The following HMGA2 variants were observed in gnomAD, a reference collection of about 807,000 sequenced individuals.
HMGA2 encodes high mobility group AT-hook 2.
In HMGA2, 8 loss-of-function variants were observed where a neutral mutation model predicts 19.1. The ratio of observed to expected loss-of-function variants is 0.42; its 90% CI spans 0.25 to 0.76. The LOEUF (loss-of-function observed/expected upper bound fraction) is 0.76. HMGA2 is among the 30% of genes least tolerant of loss of function. The pLI is 0.28. For missense variants in HMGA2, 109 were observed against 136.3 expected, an observed-to-expected ratio of 0.80 and a Z score of 1.00; for synonymous variants, 60 against 48.8, an observed-to-expected ratio of 1.23 and a Z score of -0.96.
intron 3 of HMGA2, among the ~76,000 whole-genome samples, chr12:65,945,279 A>G (rs1162912210): frequency 6.6e-6 from 1 of 152,072 alleles, no homozygotes; most frequent in African/African-American, 2.4e-5. Flanking sequence ...CCTGAAGTTC[A>G]TTTTTTGAAA....
At position 65,838,533 on chromosome 12, in the gene HMGA2, T is replaced by A. The variant is rs758399498; in HGVS notation, c.213T>A (p.Thr71=). Residue 71 remains threonine (T), a synonymous_variant, in exon 3 of 5, where the codon ACT becomes ACA. Coordinates refer to ENST00000403681, the MANE Select transcript of HMGA2 (RefSeq NM_003483.6). The part of the protein sequence containing the change: ...SKAAQKKAEA[T]GEKRPRGRPR... ...TTCATTTGCAGAAAGCAGAAGCCAC[T>A]GGAGAAAAACGGCCAAGAGGCAGAC... is the stretch of plus-strand genomic sequence containing the variant. 43 of 1,612,210 alleles carry A rather than the reference T, an allele frequency of 2.7e-5. No individual in the cohort carries two copies. In the South Asian group the frequency reaches 4.7e-4, roughly 18 times the overall value.
chr12:65,843,195 A>C (rs954408363), intron 3 of HMGA2: 10 of 225,824 alleles, frequency 4.4e-5, no homozygotes, highest in African/African-American at 2.2e-4. Flanking sequence ...AGTTCACTTC[A>C]ATTGGTCACT....
chr12:65,843,323 A>G, intron 3 of HMGA2: 1 of 211,786 alleles, frequency 4.7e-6, no homozygotes, highest in Non-Finnish European at 9.6e-6. Context: ...TTGCTTTTGA[A>G]GGGGGGCAGT....
At chr12:65,941,902 G>A (rs1216783624) in intron 3 of HMGA2, among the ~76,000 whole-genome samples, 1 of 152,070 alleles carries the variant, frequency 6.6e-6, no homozygotes, top group East Asian at 1.9e-4. Context: ...AAGCTTATGG[G>A]CAAGCATACA....
Position 65,825,782 on chromosome 12 carries a change from G to T in HMGA2, c.111+401G>T, listed in dbSNP as rs966917935. On this transcript the variant is annotated intron_variant, in intron 1 of 4. Coordinates refer to ENST00000403681, the MANE Select transcript of HMGA2 (RefSeq NM_003483.6). This position sits in a 1 kb window ranked among gnomAD's most constrained non-coding sequence, Gnocchi z 4.4. The stretch of plus-strand genomic sequence containing the variant: ...CTGCCCGGGAGGAAGGAGGTGCCGG[G>T]GACCCGGGCGCTTCGGCCGATCTGG... Among the ~76,000 whole-genome samples, 1 of 152,170 alleles carries T rather than the reference G, an allele frequency of 6.6e-6. No homozygotes were observed. The highest frequency in any genetic ancestry group is 2.1e-4 in the South Asian group (1 of 4,836).
intron 2 of HMGA2, 21 bp downstream of exon 2, chr12:65,828,108 C>G: frequency 6.5e-7 from 1 of 1,547,876 alleles, no homozygotes; most frequent in Non-Finnish European, 8.9e-7. Flanking sequence ...TCAAGTCAAG[C>G]TCTCCTAACT....
At chr12:65,847,790 C>T (rs1871288572) in intron 3 of HMGA2, among the ~76,000 whole-genome samples, 1 of 152,164 alleles carries the variant, frequency 6.6e-6, no homozygotes, top group African/African-American at 2.4e-5. Context: ...GATGTTAGTA[C>T]AGTCTCAGGC....
chr12:65,938,695 CT>C, intron 3 of HMGA2, among the ~76,000 whole-genome samples: 1 of 152,024 alleles, frequency 6.6e-6, no homozygotes, highest in East Asian at 1.9e-4. Flanking sequence ...GTCACCCAGG[CT>C]GGAGTGCAGT....
intron 3 of HMGA2, among the ~76,000 whole-genome samples, chr12:65,902,269 C>T (rs1169128983): frequency 6.6e-6 from 1 of 152,042 alleles, no homozygotes; most frequent in Non-Finnish European, 1.5e-5. Flanking sequence ...ATTTGTCTTC[C>T]ATAGATAGTA....
Position 65,825,400 on chromosome 12 carries a change from T to TG in HMGA2, c.111+24dup. Reference sequence around the variant, plus strand: ...GCAGCAAGTCAGTACGAGGGCGCGGTGGGGGCACCAGCCCACCCCGTCCCC... The same window carrying TG: ...GCAGCAAGTCAGTACGAGGGCGCGGTGGGGGGCACCAGCCCACCCCGTCCCC... On this transcript the variant is annotated intron_variant, in intron 1 of 4. Coordinates refer to ENST00000403681, the MANE Select transcript of HMGA2 (RefSeq NM_003483.6). This position sits in a 1 kb window ranked among gnomAD's most constrained non-coding sequence, Gnocchi z 4.4. 1.3e-6 allele frequency: 2 copies of TG among 1,493,902 alleles called. No homozygotes were observed. The highest frequency in any genetic ancestry group is 1.8e-6 in the Non-Finnish European group (2 of 1,118,300). 92.5% of individuals were successfully genotyped at this position (1,493,902 alleles called of 1,614,324 possible). A position where few individuals can be genotyped will look rare whatever the true frequency, so the allele number is the denominator to read the frequency against.
chr12:65,878,917 G>A (rs746977115), intron 3 of HMGA2, among the ~76,000 whole-genome samples: 6 of 152,216 alleles, frequency 3.9e-5, no homozygotes, highest in Non-Finnish European at 5.9e-5. Flanking sequence ...GAGTAGTATA[G>A]GTAAGATAGA....
At position 65,961,401 on chromosome 12, in the gene HMGA2, G is replaced by A. The variant is rs527621212; in HGVS notation, c.283-1844G>A. Among the ~76,000 whole-genome samples the A allele has an allele frequency of 2.0e-5, 3 of 152,302 alleles. No individual in the cohort carries two copies. In the South Asian group the frequency reaches 6.2e-4, roughly 32 times the overall value. On this transcript the variant is annotated intron_variant, in intron 4 of 4. Coordinates refer to ENST00000403681, the MANE Select transcript of HMGA2 (RefSeq NM_003483.6). Reference sequence around the variant, plus strand: ...TCCTTTGTGGCCAGGGCTCCACAGAGAATCTCAGGGTCATGGCCTGTTGCC... The same window carrying A: ...TCCTTTGTGGCCAGGGCTCCACAGAAAATCTCAGGGTCATGGCCTGTTGCC...
intron 3 of HMGA2, among the ~76,000 whole-genome samples, chr12:65,914,040 TG>T (rs1874964264): frequency 6.6e-6 from 1 of 152,184 alleles, no homozygotes; most frequent in Non-Finnish European, 1.5e-5. Context: ...TTTACACTGT[TG>T]GTGGGACTAT....
In HMGA2 at chr12:65,965,397, A is replaced by G. The variant is rs1312042572; in HGVS notation, c.*2105A>G. Reference sequence around the variant, plus strand: ...CTGACTTTTTAACATGGTATTATCAACTGGGCCAGGAGGTAGTTTCTCATG... The same window carrying G: ...CTGACTTTTTAACATGGTATTATCAGCTGGGCCAGGAGGTAGTTTCTCATG... On this transcript the variant is annotated 3_prime_UTR_variant, in exon 5 of 5. Transcript: ENST00000403681. The G allele has an allele frequency of 1.5e-5, 3 of 203,804 alleles. No homozygotes were observed. Among genetic ancestry groups the G allele is most frequent in the African/African-American group, 6.9e-5 (3 of 43,784 alleles). The allele number at this position is 203,804 out of a possible 1,614,324, so 12.6% of individuals were successfully genotyped here. A position where few individuals can be genotyped will look rare whatever the true frequency, so the allele number is the denominator to read the frequency against.
chr12:65,883,544 C>T (rs1873531495), intron 3 of HMGA2, among the ~76,000 whole-genome samples: 1 of 152,178 alleles, frequency 6.6e-6, no homozygotes, highest in East Asian at 1.9e-4. Context: ...CTAATAAATG[C>T]TCCTATGCAC....
intron 2 of HMGA2, chr12:65,828,319 C>A (rs774213383): frequency 7.4e-6 from 3 of 408,144 alleles, no homozygotes; most frequent in Non-Finnish European, 1.3e-5. Flanking sequence ...AAACAAACAG[C>A]CACCAAATAA....
intron 1 of HMGA2, chr12:65,826,342 C>G (rs1362084837): frequency 3.3e-5 from 5 of 152,222 alleles, no homozygotes; most frequent in Non-Finnish European, 4.4e-5. Flanking sequence ...GCGCTCAGCG[C>G]GCAGGGCTGG....
chr12:65,921,352 C>T (rs1195942464), intron 3 of HMGA2, among the ~76,000 whole-genome samples: 2 of 152,166 alleles, frequency 1.3e-5, no homozygotes, highest in East Asian at 1.9e-4. Context: ...CTCCGCCTCC[C>T]GGGTTCACGC....
At chr12:65,833,153 A>G (rs977035564) in intron 2 of HMGA2, among the ~76,000 whole-genome samples, 3 of 152,244 alleles carry the variant, frequency 2.0e-5, no homozygotes, top group Admixed American at 1.3e-4. Context: ...CTTCAAGGCT[A>G]AAAGTGTTGC....
Sources: allele counts gnomAD v4.1 joint callset (sites outside exome capture counted in the v4.1 genomes callset), GRCh38; gene constraint gnomAD v4.1.1; non-coding constraint Gnocchi (gnomAD v3.1); transcripts MANE v1.5; gene names NCBI Gene and HGNC (gene_info 2026-07-23, HGNC 2026-07-21).